The following TMX3 variants were observed in gnomAD, a reference collection of about 807,000 sequenced individuals.
TMX3 encodes thioredoxin related transmembrane protein 3.
A neutral mutation model predicts 64.4 loss-of-function variants in TMX3; 40 were observed. That is an observed-to-expected ratio of 0.62 (90% CI 0.48 to 0.81). TMX3 has a LOEUF of 0.81. TMX3 is among the 30% of genes least tolerant of loss of function. The pLI, the probability that TMX3 is intolerant of heterozygous loss-of-function variation, is 0.00. For synonymous variants in TMX3, 189 were observed against 175.7 expected (o/e 1.08, Z -0.60); for missense variants, 497 against 534.5 (o/e 0.93, Z 0.69).
At position 68,690,911 on chromosome 18, in the gene TMX3, G is replaced by C. The variant is rs182807374; in HGVS notation, c.637+384C>G. On this transcript the variant is annotated intron_variant, in intron 9 of 15. Transcript: ENST00000299608. Reference sequence around the variant, plus strand: ...ACAGCTAAGGGGAAATGCCATTAGGGAGGGATACACAGGGGCTTCAACACT... The same window carrying C: ...ACAGCTAAGGGGAAATGCCATTAGGCAGGGATACACAGGGGCTTCAACACT... The C allele has an allele frequency of 1.2e-3, 234 of 187,622 alleles. 1 individual carries two copies. Among genetic ancestry groups the C allele is most frequent in the Non-Finnish European group, 2.1e-3 (198 of 92,354 alleles). 11.6% of individuals were successfully genotyped at this position (187,622 alleles called of 1,614,324 possible).
chr18:68,684,125 C>A, intron 12 of TMX3, 65 bp downstream of exon 12: 1 of 1,222,898 alleles, frequency 8.2e-7, no homozygotes, highest in Admixed American at 2.0e-5. Context: ...ACTAAGTTTG[C>A]TTTACTAAAT....
At chr18:68,703,888 C>G (rs1407053114) in intron 4 of TMX3, among the ~76,000 whole-genome samples, 1 of 152,006 alleles carries the variant, frequency 6.6e-6, no homozygotes. Flanking sequence ...TGAGATGGAG[C>G]CACAGCACTC....
Position 68,692,565 on chromosome 18 carries a change from A to T in TMX3, c.571-1204T>A, listed in dbSNP as rs535712458. On this transcript the variant is annotated intron_variant, in intron 8 of 15. Coordinates refer to ENST00000299608, the MANE Select transcript of TMX3 (RefSeq NM_019022.5). ...AATGAAGCTCTGAAGGACAAACATTAATATTCAAAATATGGGAAGACCACA... is the reference window on the plus strand; with the variant it reads ...AATGAAGCTCTGAAGGACAAACATTTATATTCAAAATATGGGAAGACCACA... Among the ~76,000 whole-genome samples the T allele has an allele frequency of 3.3e-5, 5 of 152,328 alleles. No homozygotes were observed. In the South Asian group the frequency reaches 8.3e-4, roughly 25 times the overall value.
intron 2 of TMX3, among the ~76,000 whole-genome samples, chr18:68,712,725 G>C (rs2031413694): frequency 6.6e-6 from 1 of 152,016 alleles, no homozygotes; most frequent in African/African-American, 2.4e-5. Context: ...AGTTTAATAA[G>C]ACTATCTCCT....
At chr18:68,696,904 G>A (rs381942) in intron 8 of TMX3, 39,172 of 231,464 alleles carry the variant, frequency 0.17, 5,410 homozygotes, top group African/African-American at 0.44. Flanking sequence ...ACACACATAC[G>A]CACGCAAAAT....
rs1411925841 is a variant in TMX3, at chr18:68,681,115, A to C, written c.906-5T>G. Reference sequence around the variant, plus strand: ...ACAGTTGGGACTGTCAATTCACTGAAAATATAAAAACAAATCAAAATATAC... The same window carrying C: ...ACAGTTGGGACTGTCAATTCACTGACAATATAAAAACAAATCAAAATATAC... On this transcript the variant is annotated splice_region_variant and splice_polypyrimidine_tract_variant and intron_variant, in intron 13 of 15. Coordinates refer to ENST00000299608, the MANE Select transcript of TMX3 (RefSeq NM_019022.5). 1.3e-6 allele frequency: 2 copies of C among 1,549,338 alleles called. No homozygotes were observed. Among genetic ancestry groups the C allele is most frequent in the Non-Finnish European group, 8.7e-7 (1 of 1,150,658 alleles).
intron 2 of TMX3, among the ~76,000 whole-genome samples, chr18:68,713,441 G>C (rs2031502489): frequency 6.6e-6 from 1 of 152,198 alleles, no homozygotes; most frequent in Non-Finnish European, 1.5e-5. Flanking sequence ...CCTTGCAATT[G>C]TCTATGGTCA....
Position 68,675,210 on chromosome 18 carries a change from C to T in TMX3, c.*1723G>A, listed in dbSNP as rs1599288767. 1.3e-5 allele frequency: 2 copies of T among 152,200 alleles called. No individual in the cohort carries two copies. The highest frequency in any genetic ancestry group is 3.9e-4 in the East Asian group (2 of 5,174). The allele number at this position is 152,200 out of a possible 1,614,324, so 9.4% of individuals were successfully genotyped here. A position where few individuals can be genotyped will look rare whatever the true frequency, so the allele number is the denominator to read the frequency against. On this transcript the variant is annotated 3_prime_UTR_variant, in exon 16 of 16. Coordinates refer to ENST00000299608, the MANE Select transcript of TMX3 (RefSeq NM_019022.5). Reference sequence around the variant, plus strand: ...TATTGGGAACATTAACATTTATCTTCCCAAGAATCACTCATCATTCTTTGG... The same window carrying T: ...TATTGGGAACATTAACATTTATCTTTCCAAGAATCACTCATCATTCTTTGG...
rs979003370 is a variant in TMX3, at chr18:68,675,575, G to T, written c.*1358C>A. 6.6e-6 allele frequency: 1 copy of T among 152,010 alleles called. No homozygotes were observed. The highest frequency in any genetic ancestry group is 1.5e-5 in the Non-Finnish European group (1 of 67,994). The allele number at this position is 152,010 out of a possible 1,614,324, so 9.4% of individuals were successfully genotyped here. On this transcript the variant is annotated 3_prime_UTR_variant, in exon 16 of 16. Coordinates refer to ENST00000299608, the MANE Select transcript of TMX3 (RefSeq NM_019022.5). ...CATGAATTACATATTTTTTGACCAT[G>T]CATTACATTATTTTTTAATAAATGT...
rs1031184546 is a variant in TMX3 at position 68,684,189 on chromosome 18, C to A, written c.848+1G>T. On this transcript the variant is annotated splice_donor_variant, in intron 12 of 15. Transcript: ENST00000299608. LOFTEE classifies it high-confidence loss of function. Reference sequence around the variant, plus strand: ...GAATCTCTCAGAATATAAGCACCTACCTATGGAAGAGGTCTCTGTAATCTC... The same window carrying A: ...GAATCTCTCAGAATATAAGCACCTAACTATGGAAGAGGTCTCTGTAATCTC... 6.2e-7 allele frequency: 1 copy of A among 1,605,374 alleles called. No homozygotes were observed. Among genetic ancestry groups the A allele is most frequent in the South Asian group, 1.1e-5 (1 of 89,816 alleles).
rs1447212906 is a variant in TMX3 at position 68,715,048 on chromosome 18, C to G, written c.-67G>C. 1.9e-6 allele frequency: 3 copies of G among 1,547,626 alleles called. No individual in the cohort carries two copies. The highest frequency in any genetic ancestry group is 1.7e-6 in the Non-Finnish European group (2 of 1,145,350). ...GGATAAAGACACTGGGGTCCGCCGC[C>G]TGCCCGCCCGGAAAGGGAAACGGAG... On this transcript the variant is annotated 5_prime_UTR_variant, in exon 1 of 16. Coordinates refer to ENST00000299608, the MANE Select transcript of TMX3 (RefSeq NM_019022.5).
intron 4 of TMX3, among the ~76,000 whole-genome samples, chr18:68,705,045 A>G (rs1361069202): frequency 1.3e-5 from 2 of 152,232 alleles, no homozygotes; most frequent in Non-Finnish European, 2.9e-5. Context: ...TGTGTCTAAC[A>G]TGAAAAAGGT....
In TMX3 at chr18:68,679,478, G is replaced by C; in HGVS notation, c.1089C>G (p.Ala363=). Residue 363 remains alanine, a synonymous_variant, in exon 15 of 16, where the codon GCC becomes GCG. Transcript: ENST00000299608. ...CACAACTTACCACAATAGTAGATTT[G>C]GCATCAAATACTATTCTTTTCAATC... ...LQRLKRIVFD[A]KSTIVSIFKS... 6.2e-7 allele frequency: 1 copy of C among 1,611,344 alleles called. No individual in the cohort carries two copies. The highest frequency in any genetic ancestry group is 2.2e-5 in the East Asian group (1 of 44,730).
At chr18:68,700,664 A>G (rs2029954711) in intron 5 of TMX3, 179 bp from the exon 6 acceptor site, 1 of 899,610 alleles carries the variant, frequency 1.1e-6, no homozygotes, top group Non-Finnish European at 1.3e-6. Flanking sequence ...GACCAGTAAC[A>G]CAAAAGAAAA....
chr18:68,709,279 T>C (rs1008597728), intron 4 of TMX3, among the ~76,000 whole-genome samples: 3 of 152,158 alleles, frequency 2.0e-5, no homozygotes, highest in East Asian at 3.8e-4. Flanking sequence ...AATTCTATGA[T>C]ACCTCACACT....
At chr18:68,694,436 C>T (rs1325497475) in intron 8 of TMX3, among the ~76,000 whole-genome samples, 4 of 152,194 alleles carry the variant, frequency 2.6e-5, no homozygotes, top group South Asian at 4.1e-4. Context: ...GCTGCCTTCC[C>T]CGTGGCAGCC....
intron 15 of TMX3, among the ~76,000 whole-genome samples, chr18:68,677,702 T>C (rs935583879): frequency 6.6e-6 from 1 of 152,198 alleles, no homozygotes; most frequent in Admixed American, 6.5e-5. Flanking sequence ...ACTGTCTTCA[T>C]AGCTCCCAGG....
intron 4 of TMX3, among the ~76,000 whole-genome samples, chr18:68,706,747 G>C (rs1308208407): frequency 6.6e-6 from 1 of 152,172 alleles, no homozygotes; most frequent in Non-Finnish European, 1.5e-5. Flanking sequence ...TTACCTGTTT[G>C]ATTCCAAGTT....
At chr18:68,677,503 G>T (rs1913037066) in intron 15 of TMX3, among the ~76,000 whole-genome samples, 3 of 152,112 alleles carry the variant, frequency 2.0e-5, no homozygotes, top group Admixed American at 2.0e-4. Flanking sequence ...TCTTTAAGGT[G>T]CTTACTATGT....
Sources: allele counts gnomAD v4.1 joint callset (sites outside exome capture counted in the v4.1 genomes callset), GRCh38; gene constraint gnomAD v4.1.1; transcripts MANE v1.5; gene names NCBI Gene and HGNC (gene_info 2026-07-23, HGNC 2026-07-21).